Variants in VWA8 observed in about 807,000 individuals in gnomAD.
VWA8 encodes von Willebrand factor A domain-containing protein 8.
Under a neutral mutation model 241.5 loss-of-function variants are expected in VWA8, and 221 were observed. The observed-to-expected ratio is 0.91, with a 90% confidence interval of 0.82 to 1.02. The LOEUF is 1.02. Among genes scored for constraint, VWA8 ranks in the 50% least tolerant of loss-of-function variants. The probability of loss-of-function intolerance (pLI) is 0.00; values close to 1 mark genes in which losing one functional copy is unlikely to be tolerated. For missense variants in VWA8, 2,322 were observed against 2,328.7 expected (o/e 1.00, Z 0.06); for synonymous variants, 852 against 827.1 (o/e 1.03, Z -0.52).
rs775435036 is a variant in VWA8, at chr13:41,611,596, GC to G, written c.4856del (p.Gly1619AlafsTer9). 6.2e-7 allele frequency: 1 copy of G among 1,613,974 alleles called. No individual in the cohort carries two copies. Among genetic ancestry groups the G allele is most frequent in the Admixed American group, 1.7e-5 (1 of 60,012 alleles). On this transcript the variant is annotated frameshift_variant, in exon 39 of 45. Transcript: ENST00000379310. LOFTEE classifies it high-confidence loss of function. ...EEVKRAAREM[G>X]QRAFQQRLKE... ...CTGACCTCTGCTGGAATGCTCTCTGGCCCATCTCTCTAGCAGCTCTCTTGAC... is the reference window on the plus strand; with the variant it reads ...CTGACCTCTGCTGGAATGCTCTCTGGCCATCTCTCTAGCAGCTCTCTTGAC...
chr13:41,691,641 T>C (rs2045178618), intron 31 of VWA8, among the ~76,000 whole-genome samples, 196 bp from the exon 32 acceptor site: 1 of 152,068 alleles, frequency 6.6e-6, no homozygotes, highest in Non-Finnish European at 1.5e-5. Flanking sequence ...TAAGTAAAAA[T>C]AATGGAAAGT....
intron 28 of VWA8, among the ~76,000 whole-genome samples, chr13:41,699,652 G>A (rs1382123228): frequency 6.6e-6 from 1 of 152,172 alleles, no homozygotes; most frequent in South Asian, 2.1e-4. Context: ...ACACCAGTTG[G>A]TCAATGTCTT....
intron 42 of VWA8, among the ~76,000 whole-genome samples, chr13:41,580,406 T>C (rs919605575): frequency 1.3e-5 from 2 of 152,232 alleles, no homozygotes; most frequent in African/African-American, 4.8e-5. Context: ...TGAAACATTC[T>C]TGAGGTACTG....
chr13:41,735,527 T>C (rs2045517849), intron 21 of VWA8, among the ~76,000 whole-genome samples: 1 of 152,122 alleles, frequency 6.6e-6, no homozygotes, highest in Non-Finnish European at 1.5e-5. Flanking sequence ...ACGTGGCTTT[T>C]AGTGGAGTAG....
intron 26 of VWA8, among the ~76,000 whole-genome samples, chr13:41,716,947 C>G (rs887672499): frequency 1.3e-5 from 2 of 150,104 alleles, no homozygotes; most frequent in African/African-American, 4.9e-5. Context: ...TTTTGGCGGT[C>G]TATGTGATTA....
chr13:41,738,793 C>T (rs2045544897), intron 21 of VWA8, among the ~76,000 whole-genome samples: 1 of 151,808 alleles, frequency 6.6e-6, no homozygotes, highest in African/African-American at 2.4e-5. Flanking sequence ...AACACATTTT[C>T]TAATCATTTT....
intron 21 of VWA8, among the ~76,000 whole-genome samples, chr13:41,758,423 TATATATAC>T (rs2045713709): frequency 1.7e-5 from 2 of 117,358 alleles, no homozygotes; most frequent in South Asian, 2.9e-4. Flanking sequence ...TATATATATA[TATATATAC>T]GCTAGTATAT....
chr13:41,699,300 G>T, intron 28 of VWA8, 30 bp from the exon 29 acceptor site: 5 of 1,608,562 alleles, frequency 3.1e-6, no homozygotes, highest in South Asian at 1.1e-5. Context: ...TTAATTTTGT[G>T]GCTGGCAACC....
chr13:41,699,464 G>A (rs889262714), intron 28 of VWA8, among the ~76,000 whole-genome samples, 194 bp from the exon 29 acceptor site: 19 of 152,204 alleles, frequency 1.2e-4, no homozygotes, highest in East Asian at 5.8e-4. Context: ...TGTAGATAAG[G>A]TCACACCTAC....
At chr13:41,841,562 G>A (rs1161161372) in intron 12 of VWA8, among the ~76,000 whole-genome samples, 1 of 150,992 alleles carries the variant, frequency 6.6e-6, no homozygotes, top group Non-Finnish European at 1.5e-5. Context: ...CGAGGCAGGT[G>A]GATCACGAGG....
chr13:41,888,461 T>C (rs930508604), intron 5 of VWA8, among the ~76,000 whole-genome samples: 1 of 152,164 alleles, frequency 6.6e-6, no homozygotes, highest in Admixed American at 6.5e-5. Context: ...TCCGTGACCC[T>C]GTGCTCCAAT....
intron 25 of VWA8, among the ~76,000 whole-genome samples, chr13:41,720,527 C>T (rs1054947491): frequency 6.6e-6 from 1 of 152,100 alleles, no homozygotes; most frequent in African/African-American, 2.4e-5. Context: ...ATTTAACACA[C>T]CTTTATTTAT....
chr13:41,877,971 AAAAG>A (rs771227015), intron 9 of VWA8, among the ~76,000 whole-genome samples: 2 of 152,068 alleles, frequency 1.3e-5, no homozygotes, highest in East Asian at 1.9e-4. Context: ...TTGTTCAGAA[AAAAG>A]AAAGGTATTG....
chr13:41,901,417 G>T (rs115391265), intron 4 of VWA8, among the ~76,000 whole-genome samples: 14 of 152,254 alleles, frequency 9.2e-5, no homozygotes, highest in African/African-American at 3.4e-4. Context: ...TACTTAATCT[G>T]TAAGATGGAA....
intron 37 of VWA8, among the ~76,000 whole-genome samples, chr13:41,625,502 C>T (rs1481743657): frequency 6.6e-6 from 1 of 152,192 alleles, no homozygotes; most frequent in African/African-American, 2.4e-5. Context: ...CACTGGCCGT[C>T]AGAGAAACGC....
At chr13:41,935,319 T>C (rs1877298291) in intron 2 of VWA8, among the ~76,000 whole-genome samples, 1 of 152,094 alleles carries the variant, frequency 6.6e-6, no homozygotes, top group Non-Finnish European at 1.5e-5. Context: ...GTCATATTTA[T>C]GACAATGACA....
chr13:41,670,066 C>A (rs1349579887), intron 37 of VWA8, among the ~76,000 whole-genome samples: 2 of 151,888 alleles, frequency 1.3e-5, no homozygotes, highest in African/African-American at 2.4e-5. Context: ...CAAAAATAAT[C>A]ACATAAAATA....
At chr13:41,571,500 C>T (rs928834942) in intron 43 of VWA8, among the ~76,000 whole-genome samples, 38 of 152,144 alleles carry the variant, frequency 2.5e-4, no homozygotes, top group African/African-American at 4.6e-4. Flanking sequence ...AGGTGCCCGC[C>T]GCCACACCTG....
chr13:41,898,574 C>T (rs555474587), intron 4 of VWA8, among the ~76,000 whole-genome samples: 12 of 152,354 alleles, frequency 7.9e-5, no homozygotes, highest in Admixed American at 2.6e-4. Flanking sequence ...CTGCGCCATG[C>T]GCTGGCACTC....
Sources: gnomAD v4.1 joint callset for allele counts (sites outside exome capture counted in the v4.1 genomes callset) on GRCh38, gnomAD v4.1.1 for gene constraint, MANE v1.5 for transcripts, NCBI Gene and HGNC (gene_info 2026-07-23, HGNC 2026-07-21) for gene names.